The following SLCO3A1 variants were observed in gnomAD, a reference collection of about 807,000 sequenced individuals.
SLCO3A1 encodes the protein PGE1 transporter.
SLCO3A1 carries 27 observed loss-of-function variants against 63.1 expected under a neutral mutation model. That is an observed-to-expected ratio of 0.43 (90% CI 0.32 to 0.59). The LOEUF (loss-of-function observed/expected upper bound fraction) is 0.59. Ranked by LOEUF, SLCO3A1 falls within the 20% of genes least tolerant of loss-of-function variation. The pLI, the probability that SLCO3A1 is intolerant of heterozygous loss-of-function variation, is 0.09. For synonymous variants in SLCO3A1, 473 were observed against 409.9 expected (o/e 1.15, Z -1.86); for missense variants, 773 against 945.8 (o/e 0.82, Z 2.40).
Position 91,875,204 on chromosome 15 carries a change from C to T in SLCO3A1, c.180+21116C>T, listed in dbSNP as rs931747613. Among the ~76,000 whole-genome samples the T allele has an allele frequency of 4.6e-5, 7 of 152,202 alleles. No homozygotes were observed. Among genetic ancestry groups the T allele is most frequent in the Non-Finnish European group, 8.8e-5 (6 of 68,040 alleles). On this transcript the variant is annotated intron_variant, in intron 1 of 9. Transcript: ENST00000318445. The surrounding 1 kb of genome is among the most constrained non-coding windows in gnomAD (Gnocchi z 4.5). ...CTGAGCATCCGCTGTGTGTACCTGA[C>T]ACATGTCATCTCATTTAGTCCTTTA...
Position 91,968,526 on chromosome 15 carries a change from A to G in SLCO3A1, c.646+52068A>G, listed in dbSNP as rs894039025. The stretch of plus-strand genomic sequence containing the variant: ...CACTAGGTGAGGTGAATAGGGCTCC[A>G]CAAACCACCGTGGGGACCAGTGGCA... On this transcript the variant is annotated intron_variant, in intron 2 of 9. Transcript: ENST00000318445. This position sits in a 1 kb window ranked among gnomAD's most constrained non-coding sequence, Gnocchi z 4.2. Among the ~76,000 whole-genome samples, 1 of 152,090 alleles carries G rather than the reference A, an allele frequency of 6.6e-6. No individual in the cohort carries two copies. The highest frequency in any genetic ancestry group is 1.5e-5 in the Non-Finnish European group (1 of 68,024).
chr15:92,075,095 A>G (rs373609877), intron 2 of SLCO3A1, among the ~76,000 whole-genome samples: 3 of 152,186 alleles, frequency 2.0e-5, no homozygotes, highest in African/African-American at 7.2e-5. Flanking sequence ...TGAGCAGCTC[A>G]CTACCCCTCT....
intron 3 of SLCO3A1, among the ~76,000 whole-genome samples, chr15:92,100,071 A>C (rs1239610058): frequency 6.6e-5 from 10 of 152,028 alleles, no homozygotes; most frequent in South Asian, 2.1e-4. Context: ...ATCTCAAAAA[A>C]AAAAAACAAA....
chr15:91,904,311 G>A (rs910909189), intron 1 of SLCO3A1, among the ~76,000 whole-genome samples: 5 of 152,168 alleles, frequency 3.3e-5, no homozygotes, highest in South Asian at 2.1e-4. Flanking sequence ...GTAGGAAACT[G>A]TTTTACTCCT....
chr15:92,140,570 C>T (rs1258153728), intron 7 of SLCO3A1, among the ~76,000 whole-genome samples: 2 of 152,126 alleles, frequency 1.3e-5, no homozygotes, highest in South Asian at 2.1e-4. Flanking sequence ...CTAATGTTGA[C>T]AGTGGGGTGT....
intron 1 of SLCO3A1, among the ~76,000 whole-genome samples, chr15:91,878,388 C>G (rs1257328059): frequency 1.3e-5 from 2 of 152,136 alleles, no homozygotes; most frequent in Non-Finnish European, 2.9e-5. Context: ...GCGATTTAGG[C>G]CTTTTCAGTG....
intron 2 of SLCO3A1, among the ~76,000 whole-genome samples, chr15:92,086,498 A>G (rs1257214401): frequency 6.6e-6 from 1 of 152,074 alleles, no homozygotes; most frequent in East Asian, 1.9e-4. Context: ...TATATAGTCT[A>G]CATATGAACT....
chr15:92,068,997 G>C (rs2047183535), intron 2 of SLCO3A1, among the ~76,000 whole-genome samples: 1 of 152,202 alleles, frequency 6.6e-6, no homozygotes, highest in African/African-American at 2.4e-5. Flanking sequence ...GCTAGGCACT[G>C]TGCTGGGCGA....
chr15:92,002,778 CA>C (rs1228520578), intron 2 of SLCO3A1, among the ~76,000 whole-genome samples: 1 of 152,148 alleles, frequency 6.6e-6, no homozygotes, highest in African/African-American at 2.4e-5. Context: ...ATCTCTTTTT[CA>C]ATTAAATAAA....
chr15:91,902,972 A>G (rs536558077), intron 1 of SLCO3A1, among the ~76,000 whole-genome samples: 11 of 152,354 alleles, frequency 7.2e-5, no homozygotes, highest in Admixed American at 2.0e-4. Flanking sequence ...AATGAAATGG[A>G]TTCATCTACA....
chr15:91,911,620 A>G (rs189631726), intron 1 of SLCO3A1, among the ~76,000 whole-genome samples: 5 of 152,066 alleles, frequency 3.3e-5, no homozygotes, highest in East Asian at 3.9e-4. Context: ...ATCTATATCT[A>G]TATAGATATT....
At chr15:91,855,573 G>A (rs546057947) in intron 1 of SLCO3A1, among the ~76,000 whole-genome samples, 54 of 152,294 alleles carry the variant, frequency 3.5e-4, no homozygotes, top group African/African-American at 1.3e-3. Context: ...CACTTATTGT[G>A]TCTATAGTTA....
At chr15:91,979,299 A>G (rs558702786) in intron 2 of SLCO3A1, among the ~76,000 whole-genome samples, 1 of 152,370 alleles carries the variant, frequency 6.6e-6, no homozygotes, top group South Asian at 2.1e-4. Flanking sequence ...CACCTTATGC[A>G]CATAGCTTGA....
At position 92,028,972 on chromosome 15, in the gene SLCO3A1, G is replaced by GTGTGTGTGT. The variant is rs2046612564; in HGVS notation, c.647-65909_647-65908insTGTGTGTGT. Among the ~76,000 whole-genome samples, 3 of 109,078 alleles carry GTGTGTGTGT rather than the reference G, an allele frequency of 2.8e-5. No homozygotes were observed. The South Asian group carries it at 9.6e-4, about 35-fold the overall frequency. 71.6% of individuals were successfully genotyped at this position (109,078 alleles called of 152,430 possible). On this transcript the variant is annotated intron_variant, in intron 2 of 9. Coordinates refer to ENST00000318445, the MANE Select transcript of SLCO3A1 (RefSeq NM_013272.4). ...GTACATGAGAAAACCCCTGACCCAT[G>GTGTGTGTGT]GTCAAACAACCCCCAAAACTGCCAG...
intron 2 of SLCO3A1, among the ~76,000 whole-genome samples, chr15:92,053,469 G>T (rs902635288): frequency 6.6e-6 from 1 of 152,100 alleles, no homozygotes; most frequent in East Asian, 1.9e-4. Flanking sequence ...ATTTTATTCA[G>T]ATGCGTGTAG....
At chr15:92,169,720 C>T (rs187972573), downstream of SLCO3A1, among the ~76,000 whole-genome samples, 45 of 152,300 alleles carry the variant, frequency 3.0e-4, no homozygotes, top group Admixed American at 9.2e-4. Context: ...CAGCATCAAC[C>T]ACAGGAGATC....
chr15:92,089,126 C>T (rs780254799), intron 2 of SLCO3A1, among the ~76,000 whole-genome samples: 14 of 151,870 alleles, frequency 9.2e-5, no homozygotes, highest in Non-Finnish European at 1.9e-4. Context: ...CCTGGGTTCA[C>T]GCCATTCTCC....
In SLCO3A1 at chr15:92,112,278, T is replaced by G. The variant is rs183930708; in HGVS notation, c.1009+7736T>G. 3.9e-5 allele frequency among the ~76,000 whole-genome samples: 6 copies of G among 152,360 alleles called. No individual in the cohort carries two copies. The East Asian group carries it at 1.2e-3, about 29-fold the overall frequency. On this transcript the variant is annotated intron_variant, in intron 4 of 9. Transcript: ENST00000318445. ...GAAAAGGTCATGCTGGAAGGCAGACTAGGGGCTGCTCCCACACCAGCAGTT... is the reference window on the plus strand; with the variant it reads ...GAAAAGGTCATGCTGGAAGGCAGACGAGGGGCTGCTCCCACACCAGCAGTT...
chr15:91,913,794 G>A (rs922566396), intron 1 of SLCO3A1, among the ~76,000 whole-genome samples: 1 of 152,152 alleles, frequency 6.6e-6, no homozygotes, highest in African/African-American at 2.4e-5. Flanking sequence ...CCTTTCCTTA[G>A]TAGACACACC....
Sources: gnomAD v4.1 joint callset for allele counts (sites outside exome capture counted in the v4.1 genomes callset) on GRCh38, gnomAD v4.1.1 for gene constraint, Gnocchi (gnomAD v3.1) non-coding constraint, MANE v1.5 for transcripts, NCBI Gene and HGNC (gene_info 2026-07-23, HGNC 2026-07-21) for gene names.